Variants in TRIM72 observed in about 807,000 individuals in gnomAD.
TRIM72 encodes tripartite motif containing 72.
In TRIM72, 33 loss-of-function variants were observed where a neutral mutation model predicts 31.6. The observed-to-expected ratio is 1.04, with a 90% CI of 0.79 to 1.40. The LOEUF (loss-of-function observed/expected upper bound fraction) is 1.40. Ranked by LOEUF, TRIM72 falls within the 40% of genes most tolerant of loss-of-function variation. The pLI is 0.00. For synonymous variants in TRIM72, 301 were observed against 314.4 expected, an observed-to-expected ratio of 0.96 and a Z score of 0.45; for missense variants, 666 against 682.7, an observed-to-expected ratio of 0.98 and a Z score of 0.27.
rs1440517059 is a variant in TRIM72 at position 31,215,575 on chromosome 16, G to C, written c.390+447G>C. Among the ~76,000 whole-genome samples, 6 of 152,066 alleles carry C rather than the reference G, an allele frequency of 3.9e-5. No individual in the cohort carries two copies. Among genetic ancestry groups the C allele is most frequent in the Admixed American group, 2.0e-4 (3 of 15,270 alleles). ...GACTGGAGGCGCGGCGTTCGGGACC[G>C]AGCCAGGCGGCCGGGGCAGGGTTGT... On this transcript the variant is annotated intron_variant, in intron 2 of 6. Coordinates refer to ENST00000322122, the MANE Select transcript of TRIM72 (RefSeq NM_001008274.4). The surrounding 1 kb of genome is among the most constrained non-coding windows in gnomAD (Gnocchi z 6.3).
chr16:31,224,409 C>T lies in TRIM72; in HGVS notation c.1088C>T (p.Ala363Val), dbSNP rs2079546769. The change falls in exon 7 of 7, where the codon GCG (alanine) becomes GTG (valine). Residue 363 changes from alanine (A) to valine (V), a missense_variant. Ala to Val is a moderately conservative substitution (Grantham distance 64). Coordinates refer to ENST00000322122, the MANE Select transcript of TRIM72 (RefSeq NM_001008274.4). ...DKPRWALGVIAAEAPRRGRLH... is the reference protein window; with the variant it reads ...DKPRWALGVIVAEAPRRGRLH... ...CCGCGCTGGGCGCTGGGCGTGATCG[C>T]GGCCGAGGCCCCCCGCCGCGGGCGC... is the stretch of plus-strand genomic sequence containing the variant. 2 of 1,425,438 alleles carry T rather than the reference C, an allele frequency of 1.4e-6. No homozygotes were observed. Among genetic ancestry groups the T allele is most frequent in the Non-Finnish European group, 1.8e-6 (2 of 1,100,226 alleles). 88.3% of individuals were successfully genotyped at this position (1,425,438 alleles called of 1,614,324 possible). A position where few individuals can be genotyped will look rare whatever the true frequency, so the allele number is the denominator to read the frequency against.
chr16:31,221,020 A>G (rs958661582), intron 5 of TRIM72, 102 bp downstream of exon 5: 63 of 1,447,582 alleles, frequency 4.4e-5, no homozygotes, highest in African/African-American at 4.2e-4. Flanking sequence ...CACACCCGCA[A>G]TTCAGTCTGC....
In TRIM72 at chr16:31,228,280, GT is replaced by G. The variant is rs1396640226; in HGVS notation, c.*3529del. ...TTCATCTTAAAAAGAAAAGTTCTCT[GT>G]TTTAATATCTAACAGGGCAAATATT... is the stretch of plus-strand genomic sequence containing the variant. On this transcript the variant is annotated 3_prime_UTR_variant, in exon 7 of 7. Coordinates refer to ENST00000322122, the MANE Select transcript of TRIM72 (RefSeq NM_001008274.4). 1 of 152,236 alleles carries G rather than the reference GT, an allele frequency of 6.6e-6. No individual in the cohort carries two copies. Among genetic ancestry groups the G allele is most frequent in the East Asian group, 1.9e-4 (1 of 5,202 alleles). 9.4% of individuals were successfully genotyped at this position (152,236 alleles called of 1,614,324 possible).
chr16:31,216,656 TGAA>T lies in TRIM72; in HGVS notation c.390+1530_390+1532del. ...TGAGGGAGGACCCCAGGAGGGACCC[TGAA>T]GGAGGGGAACAGGAAGGCTCTGGGC... On this transcript the variant is annotated intron_variant, in intron 2 of 6. Transcript: ENST00000322122. This position sits in a 1 kb window ranked among gnomAD's most constrained non-coding sequence, Gnocchi z 6.7. 7.1e-7 allele frequency: 1 copy of T among 1,405,550 alleles called. No homozygotes were observed. The highest frequency in any genetic ancestry group is 9.6e-7 in the Non-Finnish European group (1 of 1,037,640). 87.1% of individuals were successfully genotyped at this position (1,405,550 alleles called of 1,614,324 possible).
intron 6 of TRIM72, 45 bp from the exon 7 acceptor site, chr16:31,224,136 G>C (rs1040606721): frequency 6.3e-7 from 1 of 1,579,782 alleles, no homozygotes; most frequent in Non-Finnish European, 8.5e-7. Flanking sequence ...GAAGACCCCA[G>C]CGAGGCAGAA....
Position 31,214,160 on chromosome 16 carries a change from CT to C in TRIM72, c.-144del, listed in dbSNP as rs2079495505. 1 of 153,492 alleles carries C rather than the reference CT, an allele frequency of 6.5e-6. No individual in the cohort carries two copies. The highest frequency in any genetic ancestry group is 1.4e-5 in the Non-Finnish European group (1 of 69,108). The allele number at this position is 153,492 out of a possible 1,614,324, so 9.5% of individuals were successfully genotyped here. A position where few individuals can be genotyped will look rare whatever the true frequency, so the allele number is the denominator to read the frequency against. On this transcript the variant is annotated 5_prime_UTR_variant, in exon 1 of 7. Transcript: ENST00000322122. ...GCGTGGTGTCCACTGCCAGCTGCCC[CT>C]GTGAGTCCCTGTCCTTGCTTGGAGC... is the stretch of plus-strand genomic sequence containing the variant.
intron 1 of TRIM72, 63 bp downstream of exon 1, chr16:31,214,360 G>C (rs2079496588): frequency 5.3e-6 from 1 of 190,138 alleles, no homozygotes; most frequent in South Asian, 1.5e-4. Flanking sequence ...AAGTGAGGGA[G>C]GGGAGTCTCG....
rs1185990761 is a variant in TRIM72, at chr16:31,222,864, C to A, written c.778C>A (p.Arg260Ser). Residue 260 changes from arginine (R) to serine (S), a missense_variant, in exon 6 of 7, where the codon CGT (arginine) becomes AGT (serine). Physicochemically the swap from Arg to Ser is moderately radical, Grantham distance 110. Coordinates refer to ENST00000322122, the MANE Select transcript of TRIM72 (RefSeq NM_001008274.4). ...CCTGGCAGAGTCTCCCCCACCCGCC[C>A]GTCTGGACATCCAGCTGCCAATTAT... ...KILAESPPPA[R>S]LDIQLPIISD... The A allele has an allele frequency of 1.3e-6, 2 of 1,549,072 alleles. No individual in the cohort carries two copies. The highest frequency in any genetic ancestry group is 1.7e-6 in the Non-Finnish European group (2 of 1,154,456).
At position 31,214,947 on chromosome 16, in the gene TRIM72, AGCTGGCGC is replaced by A; in HGVS notation, c.212_219del (p.Leu71ProfsTer127). The stretch of plus-strand genomic sequence containing the variant: ...CCGCAGGCACTCAGCACCAACCTGC[AGCTGGCGC>A]GCCTGGTGGAGGGGCTGGCCCAGGT... On this transcript the variant is annotated frameshift_variant, in exon 2 of 7. Coordinates refer to ENST00000322122, the MANE Select transcript of TRIM72 (RefSeq NM_001008274.4). LOFTEE classifies it high-confidence loss of function. 1 of 1,492,352 alleles carries A rather than the reference AGCTGGCGC, an allele frequency of 6.7e-7. No individual in the cohort carries two copies. Among genetic ancestry groups the A allele is most frequent in the Non-Finnish European group, 8.9e-7 (1 of 1,129,170 alleles). 92.4% of individuals were successfully genotyped at this position (1,492,352 alleles called of 1,614,324 possible).
Position 31,224,427 on chromosome 16 carries a change from G to T in TRIM72, c.1106G>T (p.Arg369Leu). The change falls in exon 7 of 7, where the codon CGC becomes CTC. Residue 369 changes from arginine (R) to leucine (L), a missense_variant. Physicochemically the swap from Arg to Leu is moderately radical, Grantham distance 102. Transcript: ENST00000322122. Reference protein sequence around the residue: ...LGVIAAEAPRRGRLHAVPSQG... With the variant: ...LGVIAAEAPRLGRLHAVPSQG... ...GTGATCGCGGCCGAGGCCCCCCGCC[G>T]CGGGCGCCTGCACGCGGTGCCCTCG... 1.4e-6 allele frequency: 2 copies of T among 1,422,466 alleles called. No homozygotes were observed. Among genetic ancestry groups the T allele is most frequent in the Non-Finnish European group, 1.8e-6 (2 of 1,100,426 alleles). 88.1% of individuals were successfully genotyped at this position (1,422,466 alleles called of 1,614,324 possible).
rs1420022208 is a variant in TRIM72 at position 31,216,210 on chromosome 16, C to T, written c.390+1082C>T. The T allele has an allele frequency of 6.6e-6, 1 of 152,638 alleles. No individual in the cohort carries two copies. The highest frequency in any genetic ancestry group is 6.5e-5 in the Admixed American group (1 of 15,268). The allele number at this position is 152,638 out of a possible 1,614,324, so 9.5% of individuals were successfully genotyped here. A position where few individuals can be genotyped will look rare whatever the true frequency, so the allele number is the denominator to read the frequency against. On this transcript the variant is annotated intron_variant, in intron 2 of 6. Coordinates refer to ENST00000322122, the MANE Select transcript of TRIM72 (RefSeq NM_001008274.4). The surrounding 1 kb of genome is among the most constrained non-coding windows in gnomAD (Gnocchi z 6.7). ...GTTGGTATTCGAGGCCCCCAGACTT[C>T]CCAGGGACCCAGCCTCTCAGTCCTG...
In TRIM72 at chr16:31,216,634, G is replaced by T. The variant is rs1279844103; in HGVS notation, c.390+1506G>T. The T allele has an allele frequency of 2.0e-5, 24 of 1,206,734 alleles. No individual in the cohort carries two copies. Among genetic ancestry groups the T allele is most frequent in the African/African-American group, 3.0e-5 (2 of 66,088 alleles). 74.8% of individuals were successfully genotyped at this position (1,206,734 alleles called of 1,614,324 possible). A position where few individuals can be genotyped will look rare whatever the true frequency, so the allele number is the denominator to read the frequency against. ...CGGGAGGGGCTGGCCGGAGGTCTGA[G>T]GGAGGACCCCAGGAGGGACCCTGAA... is the stretch of plus-strand genomic sequence containing the variant. On this transcript the variant is annotated intron_variant, in intron 2 of 6. Coordinates refer to ENST00000322122, the MANE Select transcript of TRIM72 (RefSeq NM_001008274.4). This position sits in a 1 kb window ranked among gnomAD's most constrained non-coding sequence, Gnocchi z 6.7.
intron 2 of TRIM72, among the ~76,000 whole-genome samples, chr16:31,217,860 G>C (rs982130697): frequency 6.6e-5 from 10 of 152,004 alleles, no homozygotes; most frequent in African/African-American, 2.4e-4. Context: ...TGATCCACCC[G>C]CCCTGGCCTC....
chr16:31,224,118 G>A (rs2079544804), intron 6 of TRIM72, 63 bp from the exon 7 acceptor site: 1 of 1,547,436 alleles, frequency 6.5e-7, no homozygotes, highest in African/African-American at 1.4e-5. Flanking sequence ...GCCTGCAATT[G>A]GTTGGGAGAA....
Position 31,219,556 on chromosome 16 carries a change from C to G in TRIM72, c.717+37C>G, listed in dbSNP as rs1039044110. On this transcript the variant is annotated intron_variant, in intron 4 of 6. Coordinates refer to ENST00000322122, the MANE Select transcript of TRIM72 (RefSeq NM_001008274.4). The surrounding 1 kb of genome is among the most constrained non-coding windows in gnomAD (Gnocchi z 4.2). ...GTGACCCCCCTCCCTGCCTCAGCCC[C>G]CTGCTCAGGGCCCAGAGACCTCATC... 1 of 1,560,246 alleles carries G rather than the reference C, an allele frequency of 6.4e-7. No homozygotes were observed. Among genetic ancestry groups the G allele is most frequent in the Non-Finnish European group, 8.7e-7 (1 of 1,146,180 alleles).
At position 31,225,052 on chromosome 16, in the gene TRIM72, C is replaced by T. The variant is rs1443333161; in HGVS notation, c.*297C>T. 9 of 232,736 alleles carry T rather than the reference C, an allele frequency of 3.9e-5. No homozygotes were observed. Among genetic ancestry groups the T allele is most frequent in the East Asian group, 9.1e-5 (1 of 11,000 alleles). The allele number at this position is 232,736 out of a possible 1,614,324, so 14.4% of individuals were successfully genotyped here. On this transcript the variant is annotated 3_prime_UTR_variant, in exon 7 of 7. Transcript: ENST00000322122. ...TGAAAATACAAAAATGAGCTGGGCG[C>T]GGTGGCATACGCCTGTAATCCCAGC...
Position 31,227,575 on chromosome 16 carries a change from T to G in TRIM72, c.*2820T>G, listed in dbSNP as rs1349078910. On this transcript the variant is annotated 3_prime_UTR_variant, in exon 7 of 7. Transcript: ENST00000322122. ...CTCAGGTGATCCACCCATTTTGGCC[T>G]CCCAAAGTGCTGGGATTACAGGCTG... The G allele has an allele frequency of 1.3e-5, 2 of 152,018 alleles. No individual in the cohort carries two copies. Among genetic ancestry groups the G allele is most frequent in the African/African-American group, 4.8e-5 (2 of 41,380 alleles). The allele number at this position is 152,018 out of a possible 1,614,324, so 9.4% of individuals were successfully genotyped here. A position where few individuals can be genotyped will look rare whatever the true frequency, so the allele number is the denominator to read the frequency against.
intron 2 of TRIM72, chr16:31,217,320 T>G: frequency 2.5e-6 from 1 of 406,062 alleles, no homozygotes; most frequent in African/African-American, 2.0e-5. Flanking sequence ...ATGGAACTGA[T>G]TCCATGGTCA....
intron 1 of TRIM72, 61 bp from the exon 2 acceptor site, chr16:31,214,660 TAGGGCTGGGCC>T (rs979831194): frequency 5.1e-6 from 7 of 1,385,808 alleles, no homozygotes; most frequent in South Asian, 1.6e-5. Flanking sequence ...CGGCCTGGGC[TAGGGCTGGGCC>T]AGGGCTGGGC....
Sources: allele counts gnomAD v4.1 joint callset (sites outside exome capture counted in the v4.1 genomes callset), GRCh38; gene constraint gnomAD v4.1.1; non-coding constraint Gnocchi (gnomAD v3.1); transcripts MANE v1.5; gene names NCBI Gene and HGNC (gene_info 2026-07-23, HGNC 2026-07-21).